Variants in COLEC10 observed in about 807,000 individuals in gnomAD.
The protein encoded by COLEC10 is collectin subfamily member 10.
Under a neutral mutation model 28.4 loss-of-function variants are expected in COLEC10, and 22 were observed. The observed-to-expected ratio is 0.78, with a 90% confidence interval of 0.55 to 1.11. The LOEUF is 1.11. COLEC10 is among the 50% of genes least tolerant of loss of function. The pLI is 0.00. For missense variants in COLEC10, 361 were observed against 344.1 expected (o/e 1.05, Z -0.39); for synonymous variants, 125 against 116.1 (o/e 1.08, Z -0.49).
At chr8:118,978,076 A>C in the COLEC10 span, among the ~76,000 whole-genome samples, 1 of 152,114 alleles carries the variant, frequency 6.6e-6, no homozygotes, top group Non-Finnish European at 1.5e-5. Context: ...AAATGGATTG[A>C]ATGGAGGAGA....
intron 1 of COLEC10, among the ~76,000 whole-genome samples, chr8:119,005,217 T>C (rs1813773460): frequency 6.6e-6 from 1 of 152,044 alleles, no homozygotes; most frequent in Non-Finnish European, 1.5e-5. Flanking sequence ...GGAATAGAAA[T>C]AATAACCCTA....
chr8:119,059,626 T>C (rs1814818948), intron 2 of COLEC10, among the ~76,000 whole-genome samples: 1 of 152,110 alleles, frequency 6.6e-6, no homozygotes, highest in Non-Finnish European at 1.5e-5. Flanking sequence ...GTGGATTTTC[T>C]TGCTGTCCCT....
At chr8:118,987,653 GAAAA>G in the COLEC10 span, among the ~76,000 whole-genome samples, 1 of 151,244 alleles carries the variant, frequency 6.6e-6, no homozygotes, top group African/African-American at 2.4e-5. Context: ...AAAGTGTTGA[GAAAA>G]AAAAATCTGA....
chr8:119,099,190 A>G (rs1243789508), intron 3 of COLEC10, among the ~76,000 whole-genome samples: 1 of 152,046 alleles, frequency 6.6e-6, no homozygotes, highest in East Asian at 1.9e-4. Context: ...TATTACAGAC[A>G]TGTTCCCACT....
chr8:119,087,238 A>C (rs1487826188), intron 1 of COLEC10, among the ~76,000 whole-genome samples: 3 of 152,204 alleles, frequency 2.0e-5, no homozygotes, highest in Non-Finnish European at 4.4e-5. Context: ...AGATGCTAGA[A>C]AAAATCACTT....
intron 2 of COLEC10, among the ~76,000 whole-genome samples, chr8:119,031,960 T>C (rs758143748): frequency 2.0e-5 from 3 of 152,172 alleles, no homozygotes; most frequent in Non-Finnish European, 2.9e-5. Flanking sequence ...TGCACTAAGC[T>C]CTTCACAGGC....
chr8:119,010,968 C>T (rs1277343664), intron 2 of COLEC10, among the ~76,000 whole-genome samples: 1 of 150,912 alleles, frequency 6.6e-6, no homozygotes, highest in African/African-American at 2.5e-5. Context: ...TTGCTAGTGT[C>T]TTTTGTAGAG....
chr8:118,992,656 G>A (rs563214392), upstream of COLEC10, among the ~76,000 whole-genome samples: 40 of 152,190 alleles, frequency 2.6e-4, no homozygotes, highest in Middle Eastern at 6.8e-3. Flanking sequence ...AGAAAACACC[G>A]TAGATATTTT....
chr8:119,092,320 C>A (rs1173657938), intron 3 of COLEC10, among the ~76,000 whole-genome samples: 1 of 152,090 alleles, frequency 6.6e-6, no homozygotes, highest in African/African-American at 2.4e-5. Flanking sequence ...GATCTGCCCG[C>A]CTTGGCCTCC....
chr8:119,073,349 T>C (rs1160912743), intron 1 of COLEC10, among the ~76,000 whole-genome samples: 2 of 152,128 alleles, frequency 1.3e-5, no homozygotes, highest in Non-Finnish European at 2.9e-5. Flanking sequence ...GTTCATGAGA[T>C]CAATGTATAA....
chr8:119,085,599 C>CTTCTTTTTTTTTTTT (rs1563739053), intron 1 of COLEC10, among the ~76,000 whole-genome samples: 4 of 63,556 alleles, frequency 6.3e-5, no homozygotes, highest in African/African-American at 1.4e-4. Flanking sequence ...TCTTCTTCTT[C>CTTCTTTTTTTTTTTT]TTTTTTTTTT....
upstream of COLEC10, among the ~76,000 whole-genome samples, chr8:118,990,747 G>A (rs1813492110): frequency 6.6e-6 from 1 of 152,004 alleles, no homozygotes; most frequent in Non-Finnish European, 1.5e-5. Context: ...ACCACATCAA[G>A]GCAGATGAGA....
intron 1 of COLEC10, among the ~76,000 whole-genome samples, chr8:118,998,621 G>A (rs1813633419): frequency 1.3e-5 from 2 of 151,120 alleles, no homozygotes; most frequent in African/African-American, 2.4e-5. Context: ...GGTGGATCAC[G>A]AGGTCAGGAG....
intron 5 of COLEC10, 41 bp from the exon 6 acceptor site, chr8:119,105,759 T>C: frequency 1.3e-6 from 2 of 1,535,444 alleles, no homozygotes; most frequent in Middle Eastern, 1.8e-4. Flanking sequence ...CCTTTTATCT[T>C]TTTGAGATAC....
intron 2 of COLEC10, among the ~76,000 whole-genome samples, chr8:119,027,215 G>C (rs1013372841): frequency 1.3e-5 from 2 of 152,118 alleles, no homozygotes; most frequent in African/African-American, 4.8e-5. Context: ...AGACACCTGG[G>C]AAAATAAAAT....
At position 119,073,427 on chromosome 8, in the gene COLEC10, A is replaced by G. The variant is rs1029397316; in HGVS notation, c.148+5998A>G. On this transcript the variant is annotated intron_variant, in intron 1 of 5. Coordinates refer to ENST00000332843, the MANE Select transcript of COLEC10 (RefSeq NM_006438.5). ...TTAAGTTGCTGATTCTTTTCTGGTA[A>G]CTATCAGAAAGGGTAAACAACTAGG... Among the ~76,000 whole-genome samples the G allele has an allele frequency of 5.3e-5, 8 of 152,228 alleles. No individual in the cohort carries two copies. The South Asian group carries it at 6.2e-4, about 12-fold the overall frequency.
intron 3 of COLEC10, among the ~76,000 whole-genome samples, chr8:119,097,877 A>C (rs544389330): frequency 6.6e-6 from 1 of 151,328 alleles, no homozygotes; most frequent in South Asian, 2.1e-4. Flanking sequence ...TTTTTTTTTT[A>C]GATAAGTAAC....
At chr8:119,051,852 T>C (rs1453642754) in intron 2 of COLEC10, among the ~76,000 whole-genome samples, 4 of 152,180 alleles carry the variant, frequency 2.6e-5, no homozygotes, top group Non-Finnish European at 5.9e-5. Flanking sequence ...ATGCTCAGAC[T>C]CAGCTTAGAT....
chr8:118,973,920 A>G, the COLEC10 span, among the ~76,000 whole-genome samples: 2 of 151,914 alleles, frequency 1.3e-5, no homozygotes, highest in Admixed American at 6.6e-5. Flanking sequence ...TTACTCTTCC[A>G]ATACTCACTT....
Sources: allele counts gnomAD v4.1 joint callset (sites outside exome capture counted in the v4.1 genomes callset), GRCh38; gene constraint gnomAD v4.1.1; transcripts MANE v1.5; gene names NCBI Gene and HGNC (gene_info 2026-07-23, HGNC 2026-07-21).